Variants in LRRC4C observed in about 807,000 individuals in gnomAD.
LRRC4C encodes the protein leucine rich repeat containing 4C.
Under a neutral mutation model 33.6 loss-of-function variants are expected in LRRC4C, and 5 were observed. The ratio of observed to expected loss-of-function variants is 0.15; its 90% confidence interval spans 0.08 to 0.31. LRRC4C has a LOEUF of 0.31. Ranked by LOEUF, LRRC4C falls within the 10% of genes least tolerant of loss-of-function variation. The pLI, the probability that LRRC4C is intolerant of heterozygous loss-of-function variation, is 1.00. For missense variants in LRRC4C, 560 were observed against 796.7 expected (o/e 0.70, Z 3.58); for synonymous variants, 329 against 302.0 (o/e 1.09, Z -0.93).
chr11:40,617,247 A>G (rs1961954608), intron 3 of LRRC4C, among the ~76,000 whole-genome samples: 1 of 151,782 alleles, frequency 6.6e-6, no homozygotes, highest in Admixed American at 6.6e-5. Context: ...TGATGTAAAT[A>G]GCATGCATTT....
chr11:41,205,575 T>C (rs572849258), intron 1 of LRRC4C, among the ~76,000 whole-genome samples: 7 of 152,310 alleles, frequency 4.6e-5, no homozygotes, highest in African/African-American at 1.7e-4. Context: ...CAAACGTGGC[T>C]CAGAGATAAA....
intron 3 of LRRC4C, among the ~76,000 whole-genome samples, chr11:40,604,295 A>G (rs1387941027): frequency 6.6e-6 from 1 of 152,140 alleles, no homozygotes; most frequent in Non-Finnish European, 1.5e-5. Flanking sequence ...AGATAGATAT[A>G]GTGCTTCTCT....
chr11:40,940,096 A>C (rs1958076364), intron 1 of LRRC4C, among the ~76,000 whole-genome samples: 1 of 152,240 alleles, frequency 6.6e-6, no homozygotes, highest in South Asian at 2.1e-4. Flanking sequence ...TCAGACATAT[A>C]ATACCTGCTG....
chr11:41,252,638 T>TTC (rs1565519941), intron 1 of LRRC4C, among the ~76,000 whole-genome samples: 8 of 151,482 alleles, frequency 5.3e-5, no homozygotes, highest in Non-Finnish European at 1.0e-4. Flanking sequence ...ACAAAAAATG[T>TTC]CCTATTTAAT....
intron 3 of LRRC4C, among the ~76,000 whole-genome samples, chr11:40,360,334 C>T (rs746126228): frequency 6.6e-6 from 1 of 152,088 alleles, no homozygotes; most frequent in Non-Finnish European, 1.5e-5. Flanking sequence ...AAGAGTGATA[C>T]AGAGATCTGC....
At chr11:40,764,099 G>T (rs1323742606) in intron 2 of LRRC4C, among the ~76,000 whole-genome samples, 1 of 152,148 alleles carries the variant, frequency 6.6e-6, no homozygotes, top group Non-Finnish European at 1.5e-5. Flanking sequence ...GGAGGACTTT[G>T]TCTTGCAACT....
intron 3 of LRRC4C, among the ~76,000 whole-genome samples, chr11:40,571,827 C>T (rs769133309): frequency 6.6e-6 from 1 of 152,184 alleles, no homozygotes; most frequent in Non-Finnish European, 1.5e-5. Flanking sequence ...ACTCAAAAGA[C>T]CACTTTTAGA....
chr11:41,377,604 G>C (rs1424256530), intron 1 of LRRC4C, among the ~76,000 whole-genome samples: 2 of 152,160 alleles, frequency 1.3e-5, no homozygotes, highest in African/African-American at 4.8e-5. Flanking sequence ...TCACAAGACA[G>C]AACTGAATCT....
intron 1 of LRRC4C, among the ~76,000 whole-genome samples, chr11:41,415,955 A>C (rs1207854306): frequency 6.6e-6 from 1 of 152,024 alleles, no homozygotes; most frequent in African/African-American, 2.4e-5. Flanking sequence ...AGATGTTAGC[A>C]GAGAACTCTG....
At chr11:40,922,887 G>A (rs546944195) in intron 2 of LRRC4C, among the ~76,000 whole-genome samples, 130 of 152,156 alleles carry the variant, frequency 8.5e-4, no homozygotes, top group Non-Finnish European at 1.3e-3. Context: ...GCACAGTGGC[G>A]CAAACTCTGC....
At chr11:40,180,653 T>G (rs552736204) in intron 5 of LRRC4C, among the ~76,000 whole-genome samples, 2 of 152,342 alleles carry the variant, frequency 1.3e-5, no homozygotes, top group African/African-American at 4.8e-5. Flanking sequence ...AGAACAGCTC[T>G]TCTTTTGTGT....
intron 3 of LRRC4C, among the ~76,000 whole-genome samples, chr11:40,328,967 T>C (rs763586520): frequency 6.6e-6 from 1 of 152,222 alleles, no homozygotes; most frequent in East Asian, 1.9e-4. Context: ...AATGATTTTA[T>C]GATGCCACCT....
At chr11:41,022,142 T>TTATATATATATATATA (rs142909883) in intron 1 of LRRC4C, among the ~76,000 whole-genome samples, 126 of 139,056 alleles carry the variant, frequency 9.1e-4, no homozygotes, top group African/African-American at 1.8e-3. Context: ...CAATTTTGTT[T>TTATATATATATATATA]TATATATATA....
intron 3 of LRRC4C, among the ~76,000 whole-genome samples, chr11:40,588,564 A>G (rs1303548038): frequency 2.7e-5 from 4 of 149,824 alleles, no homozygotes; most frequent in African/African-American, 4.9e-5. Flanking sequence ...TTTAATTGTG[A>G]TGTTAGGTTG....
At chr11:40,322,172 T>C (rs1335781506) in intron 3 of LRRC4C, among the ~76,000 whole-genome samples, 2 of 152,204 alleles carry the variant, frequency 1.3e-5, no homozygotes, top group Non-Finnish European at 2.9e-5. Context: ...TAGGATTTCA[T>C]CCATCTACCC....
intron 2 of LRRC4C, among the ~76,000 whole-genome samples, chr11:40,769,857 A>G (rs969386172): frequency 3.3e-5 from 5 of 152,190 alleles, no homozygotes; most frequent in African/African-American, 1.2e-4. Context: ...TAAATCTAAG[A>G]TCTCAAACTA....
At chr11:40,422,493 T>C (rs890349483) in intron 3 of LRRC4C, among the ~76,000 whole-genome samples, 88 of 152,334 alleles carry the variant, frequency 5.8e-4, no homozygotes, top group African/African-American at 2.1e-3. Context: ...CACATTGTCA[T>C]GTTCAACGTT....
At chr11:40,275,770 AT>A (rs1565217699) in intron 4 of LRRC4C, among the ~76,000 whole-genome samples, 2 of 152,162 alleles carry the variant, frequency 1.3e-5, no homozygotes, top group African/African-American at 4.8e-5. Flanking sequence ...TTTCATTTGA[AT>A]TTTTAAAAAT....
chr11:40,911,483 G>A (rs1188397453), intron 2 of LRRC4C, among the ~76,000 whole-genome samples: 1 of 152,184 alleles, frequency 6.6e-6, no homozygotes, highest in Non-Finnish European at 1.5e-5. Context: ...ACAGCTGAGG[G>A]TCCTGACTCT....
Sources: allele counts gnomAD v4.1 joint callset (sites outside exome capture counted in the v4.1 genomes callset), GRCh38; gene constraint gnomAD v4.1.1; transcripts MANE v1.5; gene names NCBI Gene and HGNC (gene_info 2026-07-23, HGNC 2026-07-21).